The following FNBP1L variants were observed in gnomAD, a reference collection of about 807,000 sequenced individuals.
FNBP1L encodes the protein formin-binding protein 1-like.
A neutral mutation model predicts 91.2 loss-of-function variants in FNBP1L; 36 were observed. That is an observed-to-expected ratio of 0.39 (90% CI 0.30 to 0.52). The LOEUF (loss-of-function observed/expected upper bound fraction) is 0.52. Ranked by LOEUF, FNBP1L falls within the 20% of genes least tolerant of loss-of-function variation. The pLI is 0.66. For missense variants in FNBP1L, 571 were observed against 732.1 expected, an observed-to-expected ratio of 0.78 and a Z score of 2.54; for synonymous variants, 242 against 237.0, an observed-to-expected ratio of 1.02 and a Z score of -0.19.
intron 1 of FNBP1L, among the ~76,000 whole-genome samples, chr1:93,465,193 TGG>T (rs35355479): frequency 0.063 from 8,771 of 138,602 alleles, 387 homozygotes; most frequent in African/African-American, 0.12. Context: ...GTCTCTTTTT[TGG>T]GGGGGGGGGT....
intron 1 of FNBP1L, among the ~76,000 whole-genome samples, chr1:93,456,903 T>C (rs186958556): frequency 6.1e-4 from 93 of 152,326 alleles, no homozygotes; most frequent in African/African-American, 2.0e-3. Context: ...TCTTATCTTT[T>C]TTGAGACAGG....
At chr1:93,499,797 C>G (rs1464324728) in intron 2 of FNBP1L, among the ~76,000 whole-genome samples, 3 of 152,110 alleles carry the variant, frequency 2.0e-5, no homozygotes, top group African/African-American at 7.2e-5. Context: ...AGCTTTCATT[C>G]CAGAAAGACA....
At chr1:93,476,307 G>A (rs960769648) in intron 1 of FNBP1L, among the ~76,000 whole-genome samples, 3 of 152,056 alleles carry the variant, frequency 2.0e-5, no homozygotes, top group Non-Finnish European at 4.4e-5. Context: ...TTTACTAGCT[G>A]GTAAACCCTG....
intron 1 of FNBP1L, among the ~76,000 whole-genome samples, chr1:93,449,113 C>T (rs1471867287): frequency 3.9e-5 from 6 of 152,236 alleles, no homozygotes; most frequent in South Asian, 2.1e-4. Flanking sequence ...TGTTCTTTCT[C>T]CTTCGTTCTC....
chr1:93,450,881 AAAAG>A (rs1470237223), intron 1 of FNBP1L, among the ~76,000 whole-genome samples: 2 of 152,192 alleles, frequency 1.3e-5, no homozygotes, highest in African/African-American at 4.8e-5. Context: ...ATTTGAGAAA[AAAAG>A]GAATTCAATA....
At chr1:93,499,855 T>C (rs1277059555) in intron 2 of FNBP1L, among the ~76,000 whole-genome samples, 2 of 152,180 alleles carry the variant, frequency 1.3e-5, no homozygotes, top group Non-Finnish European at 2.9e-5. Context: ...AAAAGAAATA[T>C]CTGCGTGTTA....
chr1:93,513,839 AT>A (rs1291360863), intron 2 of FNBP1L, among the ~76,000 whole-genome samples: 3 of 152,106 alleles, frequency 2.0e-5, no homozygotes, highest in African/African-American at 4.8e-5. Context: ...AACTGGAAGC[AT>A]TCCCTTTGAA....
At chr1:93,499,290 A>C (rs1047709736) in intron 1 of FNBP1L, among the ~76,000 whole-genome samples, 178 bp from the exon 2 acceptor site, 1 of 152,094 alleles carries the variant, frequency 6.6e-6, no homozygotes, top group African/African-American at 2.4e-5. Flanking sequence ...AGCATGATTT[A>C]TGCTTAGGGA....
intron 1 of FNBP1L, among the ~76,000 whole-genome samples, chr1:93,480,930 C>G (rs1037840272): frequency 6.6e-6 from 1 of 152,032 alleles, no homozygotes; most frequent in Non-Finnish European, 1.5e-5. Context: ...TATAAAGTTG[C>G]CAGATTGTAT....
At chr1:93,543,963 A>AT in intron 11 of FNBP1L, 144 bp from the exon 12 acceptor site, 2 of 515,692 alleles carry the variant, frequency 3.9e-6, no homozygotes, top group Non-Finnish European at 6.9e-6. Flanking sequence ...ATCTGTGTAG[A>AT]TTTCTTTTTT....
chr1:93,519,575 C>T (rs1182927046), intron 2 of FNBP1L, among the ~76,000 whole-genome samples: 1 of 152,056 alleles, frequency 6.6e-6, no homozygotes, highest in African/African-American at 2.4e-5. Context: ...TATTGCTCAC[C>T]TGTAAAAAAT....
chr1:93,539,990 T>C (rs539464071), intron 10 of FNBP1L, among the ~76,000 whole-genome samples: 1 of 152,180 alleles, frequency 6.6e-6, no homozygotes, highest in African/African-American at 2.4e-5. Context: ...AAAGTAAAAA[T>C]TTTACAGGCA....
chr1:93,457,772 T>A (rs1668716911), intron 1 of FNBP1L, among the ~76,000 whole-genome samples: 2 of 148,810 alleles, frequency 1.3e-5, no homozygotes, highest in South Asian at 4.1e-4. Context: ...ATTTATTTTT[T>A]ATTTCATTTA....
chr1:93,511,147 T>C (rs1181834801), intron 2 of FNBP1L, among the ~76,000 whole-genome samples: 23 of 152,172 alleles, frequency 1.5e-4, no homozygotes, highest in Non-Finnish European at 1.6e-4. Context: ...CCAAGACATA[T>C]AATTGTCAGA....
intron 15 of FNBP1L, among the ~76,000 whole-genome samples, chr1:93,550,565 T>C (rs1672375645): frequency 6.6e-6 from 1 of 152,228 alleles, no homozygotes; most frequent in African/African-American, 2.4e-5. Flanking sequence ...TCTTTTGCTA[T>C]CTGGTTACTG....
At chr1:93,533,510 A>G (rs934028708) in intron 8 of FNBP1L, among the ~76,000 whole-genome samples, 1 of 152,212 alleles carries the variant, frequency 6.6e-6, no homozygotes, top group African/African-American at 2.4e-5. Flanking sequence ...GAAACAGCAT[A>G]GCCCTCCTCC....
intron 1 of FNBP1L, among the ~76,000 whole-genome samples, chr1:93,489,170 G>T (rs1002381892): frequency 1.3e-5 from 2 of 152,122 alleles, no homozygotes; most frequent in South Asian, 2.1e-4. Flanking sequence ...CATAAATCAG[G>T]GTTGAAATTT....
At chr1:93,522,992 G>T (rs1671379709) in intron 3 of FNBP1L, among the ~76,000 whole-genome samples, 1 of 152,082 alleles carries the variant, frequency 6.6e-6, no homozygotes, top group Non-Finnish European at 1.5e-5. Context: ...TCTGCAACAG[G>T]TTCAGCTACC....
intron 1 of FNBP1L, among the ~76,000 whole-genome samples, chr1:93,474,956 G>A (rs981631048): frequency 9.9e-5 from 15 of 152,154 alleles, no homozygotes; most frequent in African/African-American, 3.6e-4. Context: ...AGAAATAAAA[G>A]TGATAACAGT....
Sources: gnomAD v4.1 joint callset for allele counts (sites outside exome capture counted in the v4.1 genomes callset) on GRCh38, gnomAD v4.1.1 for gene constraint, MANE v1.5 for transcripts, NCBI Gene and HGNC (gene_info 2026-07-23, HGNC 2026-07-21) for gene names.